SLC2A8: variants seen among roughly 807,000 people sequenced by gnomAD.
SLC2A8 encodes the protein solute carrier family 2, facilitated glucose transporter member 8.
In SLC2A8, 53 loss-of-function variants were observed where a neutral mutation model predicts 49.2. The ratio of observed to expected loss-of-function variants is 1.08; its 90% CI spans 0.86 to 1.35. SLC2A8 has a LOEUF of 1.35. SLC2A8 is among the 40% of genes most tolerant of loss of function. The probability of loss-of-function intolerance (pLI) is 0.00; values close to 1 mark genes in which losing one functional copy is unlikely to be tolerated. For missense variants in SLC2A8, 688 were observed against 671.7 expected, an observed-to-expected ratio of 1.02 and a Z score of -0.27; for synonymous variants, 299 against 297.0, an observed-to-expected ratio of 1.01 and a Z score of -0.07.
chr9:127,400,574 C>T (rs1444963579), intron 4 of SLC2A8, among the ~76,000 whole-genome samples: 1 of 152,176 alleles, frequency 6.6e-6, no homozygotes, highest in Non-Finnish European at 1.5e-5. Context: ...CAGTACCTTA[C>T]TGTGCAGTGA....
chr9:127,404,477 C>G, intron 7 of SLC2A8: 1 of 360,592 alleles, frequency 2.8e-6, no homozygotes, highest in African/African-American at 2.1e-5. Context: ...AGGTGATCCA[C>G]GTGAGGCCTT....
intron 4 of SLC2A8, among the ~76,000 whole-genome samples, chr9:127,400,444 C>T (rs1009551791): frequency 3.9e-5 from 6 of 152,030 alleles, no homozygotes; most frequent in Non-Finnish European, 7.4e-5. Flanking sequence ...AGGTGTGAGC[C>T]ACCGCGCCCG....
intron 5 of SLC2A8, chr9:127,403,318 C>T (rs769554418): frequency 1.6e-5 from 6 of 364,140 alleles, no homozygotes; most frequent in Non-Finnish European, 3.1e-5. Flanking sequence ...AGGGTCAGGG[C>T]TGTAGGAGGT....
At chr9:127,397,839 A>G (rs1035826010) in intron 2 of SLC2A8, 66 bp from the exon 3 acceptor site, 2 of 1,371,996 alleles carry the variant, frequency 1.5e-6, no homozygotes. Flanking sequence ...GCCCGCGGGG[A>G]GTGGGTGGAG....
intron 9 of SLC2A8, among the ~76,000 whole-genome samples, chr9:127,406,730 C>A (rs1170958157): frequency 2.0e-5 from 3 of 152,194 alleles, no homozygotes; most frequent in African/African-American, 7.2e-5. Context: ...TATGAAAGAA[C>A]CCACCGGGGG....
At position 127,399,218 on chromosome 9, in the gene SLC2A8, G is replaced by A. The variant is rs913202598; in HGVS notation, c.427-689G>A. ...CCCTGGGCTAGGATCCTGGGTGGGC[G>A]TCACGTGGAGCTGGTTAACAAGGTG... On this transcript the variant is annotated intron_variant, in intron 3 of 9. Coordinates refer to ENST00000373371, the MANE Select transcript of SLC2A8 (RefSeq NM_014580.5). The surrounding 1 kb of genome is among the most constrained non-coding windows in gnomAD (Gnocchi z 4.2). 1.3e-5 allele frequency among the ~76,000 whole-genome samples: 2 copies of A among 152,196 alleles called. No homozygotes were observed. The highest frequency in any genetic ancestry group is 2.1e-4 in the South Asian group (1 of 4,832).
chr9:127,403,424 TC>T, intron 5 of SLC2A8: 1 of 579,522 alleles, frequency 1.7e-6, no homozygotes, highest in Non-Finnish European at 3.1e-6. Context: ...CCAGATTACC[TC>T]TTTGTGGCTC....
rs1158707076 is a variant in SLC2A8, at chr9:127,407,473, A to G, written c.*224A>G. ...CTCTGAGGACTCAGGAACACCTTCG[A>G]GCTTTGCAGACCTGCGGTCAGCCCT... On this transcript the variant is annotated 3_prime_UTR_variant, in exon 10 of 10. Coordinates refer to ENST00000373371, the MANE Select transcript of SLC2A8 (RefSeq NM_014580.5). 2.9e-6 allele frequency: 2 copies of G among 681,940 alleles called. No homozygotes were observed. Among genetic ancestry groups the G allele is most frequent in the Non-Finnish European group, 5.5e-6 (2 of 364,682 alleles). The allele number at this position is 681,940 out of a possible 1,614,324, so 42.2% of individuals were successfully genotyped here.
chr9:127,400,007 G>T lies in SLC2A8; in HGVS notation c.526+1G>T. On this transcript the variant is annotated splice_donor_variant, in intron 4 of 9. Coordinates refer to ENST00000373371, the MANE Select transcript of SLC2A8 (RefSeq NM_014580.5). LOFTEE classifies it high-confidence loss of function. ...GGCATCCTCCTGGCCTACCTGGCAG[G>T]TATAGTTGTCATTATCTCTTGCTTC... 6.2e-7 allele frequency: 1 copy of T among 1,613,028 alleles called. No individual in the cohort carries two copies. Among genetic ancestry groups the T allele is most frequent in the Non-Finnish European group, 8.5e-7 (1 of 1,179,188 alleles).
At chr9:127,400,260 C>T (rs186040884) in intron 4 of SLC2A8, among the ~76,000 whole-genome samples, 9 of 150,908 alleles carry the variant, frequency 6.0e-5, no homozygotes, top group Admixed American at 2.0e-4. Flanking sequence ...TGGGTTCAAG[C>T]GATTCTCCTG....
At chr9:127,398,345 T>C (rs1192437997) in intron 3 of SLC2A8, 3 of 774,506 alleles carry the variant, frequency 3.9e-6, no homozygotes, top group East Asian at 4.9e-5. Context: ...GTGAAGTCCT[T>C]TGCCCAGGCG....
chr9:127,405,443 A>G lies in SLC2A8; in HGVS notation c.1174A>G (p.Ile392Val). The G allele has an allele frequency of 6.2e-7, 1 of 1,612,834 alleles. No homozygotes were observed. The highest frequency in any genetic ancestry group is 8.5e-7 in the Non-Finnish European group (1 of 1,179,978). Residue 392 changes from isoleucine to valine, a missense_variant, in exon 9 of 10, where the codon ATC (isoleucine) becomes GTC (valine). By Grantham distance (29) the Ile-to-Val change is conservative. Coordinates refer to ENST00000373371, the MANE Select transcript of SLC2A8 (RefSeq NM_014580.5). Reference protein sequence around the residue: ...IAGFAVGWGPIPWLLMSEIFP... With the variant: ...IAGFAVGWGPVPWLLMSEIFP... ...AGGCTTTGCGGTGGGCTGGGGGCCC[A>G]TCCCCTGGCTCCTCATGTCAGAGAT...
Position 127,404,606 on chromosome 9 carries a change from G to A in SLC2A8, c.977-212G>A, listed in dbSNP as rs1589011146. 1.6e-5 allele frequency: 9 copies of A among 567,540 alleles called. No individual in the cohort carries two copies. In the East Asian group the frequency reaches 2.7e-4, roughly 17 times the overall value. The allele number at this position is 567,540 out of a possible 1,614,324, so 35.2% of individuals were successfully genotyped here. A position where few individuals can be genotyped will look rare whatever the true frequency, so the allele number is the denominator to read the frequency against. ...CGGTACCTCCCATTTCCTCGGCCCA[G>A]AGGGTCTGCTCCGGGAACTTTTTGC... On this transcript the variant is annotated intron_variant, in intron 7 of 9. Transcript: ENST00000373371.
intron 4 of SLC2A8, among the ~76,000 whole-genome samples, chr9:127,401,348 G>A (rs1179085825): frequency 6.6e-6 from 1 of 152,254 alleles, no homozygotes. Context: ...GGGATCATCG[G>A]GGTAGGAGGC....
At chr9:127,403,131 A>T (rs1833354980) in intron 5 of SLC2A8, 2 of 257,430 alleles carry the variant, frequency 7.8e-6, no homozygotes, top group Non-Finnish European at 1.5e-5. Flanking sequence ...ATGGGTTTGA[A>T]GCCCCCACGC....
rs1397152037 is a variant in SLC2A8 at position 127,399,244 on chromosome 9, G to A, written c.427-663G>A. ...TCACGTGGAGCTGGTTAACAAGGTGGAATCTTTCGCCTGTCCAGACCTACT... is the reference window on the plus strand; with the variant it reads ...TCACGTGGAGCTGGTTAACAAGGTGAAATCTTTCGCCTGTCCAGACCTACT... On this transcript the variant is annotated intron_variant, in intron 3 of 9. Coordinates refer to ENST00000373371, the MANE Select transcript of SLC2A8 (RefSeq NM_014580.5). The surrounding 1 kb of genome is among the most constrained non-coding windows in gnomAD (Gnocchi z 4.2). Among the ~76,000 whole-genome samples the A allele has an allele frequency of 6.6e-6, 1 of 152,212 alleles. No individual in the cohort carries two copies. The highest frequency in any genetic ancestry group is 1.5e-5 in the Non-Finnish European group (1 of 68,020).
Position 127,403,743 on chromosome 9 carries a change from G to A in SLC2A8, c.807G>A (p.Leu269=), listed in dbSNP as rs375894274. 2.7e-5 allele frequency: 43 copies of A among 1,613,160 alleles called. No individual in the cohort carries two copies. In the African/African-American group the frequency reaches 5.3e-4, roughly 20 times the overall value. ...TCTCCCTGATGGCCTTCCAGCAGCT[G>A]TCGGGGGTCAACGCCGTCATGTTCT... The part of the protein sequence containing the change: ...IGVSLMAFQQ[L]SGVNAVMFYA... The change falls in exon 6 of 10, where the codon CTG becomes CTA. Residue 269 remains leucine, a synonymous_variant. Transcript: ENST00000373371.
intron 3 of SLC2A8, 61 bp downstream of exon 3, chr9:127,398,172 A>C (rs1245443293): frequency 1.3e-6 from 2 of 1,510,528 alleles, no homozygotes; most frequent in Admixed American, 1.8e-5. Flanking sequence ...GGAGTGGGAC[A>C]AACCGCTCCC....
At chr9:127,397,707 C>A (rs1219754077) in intron 2 of SLC2A8, among the ~76,000 whole-genome samples, 169 bp downstream of exon 2, 2 of 152,168 alleles carry the variant, frequency 1.3e-5, no homozygotes, top group Admixed American at 6.5e-5. Flanking sequence ...CCCATCCCTT[C>A]CCTCGGGACG....
Sources: gnomAD v4.1 joint callset for allele counts (sites outside exome capture counted in the v4.1 genomes callset) on GRCh38, gnomAD v4.1.1 for gene constraint, Gnocchi (gnomAD v3.1) non-coding constraint, MANE v1.5 for transcripts, NCBI Gene and HGNC (gene_info 2026-07-23, HGNC 2026-07-21) for gene names.